Variants in ZNF462 observed in about 807,000 individuals in gnomAD.
The protein encoded by ZNF462 is zinc finger PBX1-interacting protein.
Under a neutral mutation model 201.9 loss-of-function variants are expected in ZNF462, and 10 were observed. The observed-to-expected ratio is 0.05, with a 90% CI of 0.03 to 0.08. The LOEUF is 0.08. ZNF462 is among the 10% of genes least tolerant of loss of function. ZNF462 has a pLI of 1.00. For missense variants in ZNF462, 2,523 were observed against 3,168.3 expected (o/e 0.80, Z 4.89); for synonymous variants, 1,227 against 1,193.3 (o/e 1.03, Z -0.58).
rs1455501680 is a variant in ZNF462 at position 107,010,051 on chromosome 9, G to A, written c.7313+383G>A. ...CTCTCTGACTGATCATTCCCTGAGT[G>A]GCCCTGAACATTCCCATGTACTGCC... On this transcript the variant is annotated intron_variant, in intron 12 of 12. Coordinates refer to ENST00000277225, the MANE Select transcript of ZNF462 (RefSeq NM_021224.6). This position sits in a 1 kb window ranked among gnomAD's most constrained non-coding sequence, Gnocchi z 4.6. Among the ~76,000 whole-genome samples the A allele has an allele frequency of 6.6e-6, 1 of 152,146 alleles. No homozygotes were observed. Among genetic ancestry groups the A allele is most frequent in the Non-Finnish European group, 1.5e-5 (1 of 68,034 alleles).
intron 7 of ZNF462, among the ~76,000 whole-genome samples, chr9:106,953,246 C>T (rs770790382): frequency 3.3e-5 from 5 of 152,188 alleles, no homozygotes; most frequent in Admixed American, 1.3e-4. Context: ...TGATCTAATA[C>T]GGGCTAACTG....
chr9:106,951,365 G>T (rs1444902453), intron 7 of ZNF462, among the ~76,000 whole-genome samples: 1 of 152,128 alleles, frequency 6.6e-6, no homozygotes, highest in Non-Finnish European at 1.5e-5. Context: ...AATAAGAGTT[G>T]GAGAACTTGA....
intron 1 of ZNF462, among the ~76,000 whole-genome samples, chr9:106,914,174 C>T (rs564139949): frequency 6.1e-5 from 9 of 146,678 alleles, no homozygotes; most frequent in African/African-American, 1.9e-4. Context: ...TGGGCTCTCC[C>T]AGGTTGTTGA....
chr9:106,969,702 C>G (rs1373410830), intron 7 of ZNF462, among the ~76,000 whole-genome samples: 1 of 152,126 alleles, frequency 6.6e-6, no homozygotes, highest in African/African-American at 2.4e-5. Context: ...ATGGAGGGGA[C>G]TGTGACTCCT....
Position 106,974,051 on chromosome 9 carries a change from T to C in ZNF462, c.6696-86T>C, listed in dbSNP as rs911177743. ...CAAGCAGGAGAGCCGCACTTGGACA[T>C]ATATAACGGGTTTGCCAGCAGGAAA... On this transcript the variant is annotated intron_variant, in intron 8 of 12. Transcript: ENST00000277225. This position sits in a 1 kb window ranked among gnomAD's most constrained non-coding sequence, Gnocchi z 4.0. 4 of 1,560,436 alleles carry C rather than the reference T, an allele frequency of 2.6e-6. No individual in the cohort carries two copies. Among genetic ancestry groups the C allele is most frequent in the South Asian group, 1.2e-5 (1 of 86,762 alleles).
intron 9 of ZNF462, chr9:106,979,548 T>C (rs1396392286): frequency 6.6e-6 from 1 of 151,520 alleles, no homozygotes; most frequent in Non-Finnish European, 1.5e-5. Flanking sequence ...TTTTTTTCTT[T>C]TGACATCTTG....
intron 1 of ZNF462, among the ~76,000 whole-genome samples, chr9:106,879,273 C>T (rs1428848991): frequency 6.6e-6 from 1 of 150,592 alleles, no homozygotes; most frequent in Non-Finnish European, 1.5e-5. Context: ...TTGGAGCTGG[C>T]AGAAGGAAGG....
chr9:106,867,234 TAA>T (rs1827374614), intron 1 of ZNF462, among the ~76,000 whole-genome samples: 1 of 152,200 alleles, frequency 6.6e-6, no homozygotes, highest in East Asian at 1.9e-4. Flanking sequence ...CCATTTGAAT[TAA>T]GACAAGTATT....
intron 7 of ZNF462, among the ~76,000 whole-genome samples, chr9:106,967,014 G>A (rs1355479189): frequency 6.6e-6 from 1 of 151,936 alleles, no homozygotes; most frequent in Non-Finnish European, 1.5e-5. Context: ...GCATGCAAGG[G>A]GGCTGTCCTC....
In ZNF462 at chr9:106,928,309, C is replaced by A. The variant is rs761148940; in HGVS notation, c.4397C>A (p.Ser1466Tyr). ...CTAGCTTCAGCCAACCCCGCCATAT[C>A]CTCCACCCCATACCAGTGCACGGTA... ...LQLASANPAI[S>Y]STPYQCTVCQ... Residue 1466 changes from serine (S) to tyrosine (Y), a missense_variant, in exon 3 of 13, where the codon TCC becomes TAC. Coordinates refer to ENST00000277225, the MANE Select transcript of ZNF462 (RefSeq NM_021224.6). This position sits in a 1 kb window ranked among gnomAD's most constrained non-coding sequence, Gnocchi z 9.3. The A allele has an allele frequency of 6.2e-7, 1 of 1,614,152 alleles. No homozygotes were observed. Among genetic ancestry groups the A allele is most frequent in the Admixed American group, 1.7e-5 (1 of 60,018 alleles).
At position 106,865,596 on chromosome 9, in the gene ZNF462, A is replaced by G. The variant is rs561163332; in HGVS notation, c.-31+2241A>G. Among the ~76,000 whole-genome samples the G allele has an allele frequency of 5.9e-5, 9 of 152,202 alleles. No homozygotes were observed. The East Asian group carries it at 9.7e-4, about 16-fold the overall frequency. On this transcript the variant is annotated intron_variant, in intron 1 of 12. Coordinates refer to ENST00000277225, the MANE Select transcript of ZNF462 (RefSeq NM_021224.6). This position sits in a 1 kb window ranked among gnomAD's most constrained non-coding sequence, Gnocchi z 4.1. ...CCATTTGTATGTTAGGCCTTCTTTCAGTTTCTTTGTTTCCCCTTTCCCTTT... is the reference window on the plus strand; with the variant it reads ...CCATTTGTATGTTAGGCCTTCTTTCGGTTTCTTTGTTTCCCCTTTCCCTTT...
Position 106,967,927 on chromosome 9 carries a change from C to A in ZNF462, c.6428-4078C>A, listed in dbSNP as rs547592828. 2.0e-5 allele frequency among the ~76,000 whole-genome samples: 3 copies of A among 151,688 alleles called. No homozygotes were observed. In the South Asian group the frequency reaches 6.3e-4, roughly 32 times the overall value. ...TGCTTCAAAATGTTAGTGTTTTCTTCCCTATTCATTTTAGTGTTATTTTCT... is the reference window on the plus strand; with the variant it reads ...TGCTTCAAAATGTTAGTGTTTTCTTACCTATTCATTTTAGTGTTATTTTCT... On this transcript the variant is annotated intron_variant, in intron 7 of 12. Coordinates refer to ENST00000277225, the MANE Select transcript of ZNF462 (RefSeq NM_021224.6).
chr9:106,866,675 T>C (rs1827345624), intron 1 of ZNF462, among the ~76,000 whole-genome samples: 1 of 152,206 alleles, frequency 6.6e-6, no homozygotes, highest in Admixed American at 6.5e-5. Flanking sequence ...TTTTGAACAT[T>C]ATCTTTTGAT....
In ZNF462 at chr9:106,886,248, C is replaced by A. The variant is rs151296452; in HGVS notation, c.-31+22893C>A. Among the ~76,000 whole-genome samples the A allele has an allele frequency of 9.7e-4, 148 of 152,208 alleles. 1 individual carries two copies. The highest frequency in any genetic ancestry group is 3.3e-3 in the African/African-American group (139 of 41,536). ...GGCTGGGATTGTTACCTCACTGGAC[C>A]GCTCTTTAAACTTTCTCTGTCTTTT... On this transcript the variant is annotated intron_variant, in intron 1 of 12. Coordinates refer to ENST00000277225, the MANE Select transcript of ZNF462 (RefSeq NM_021224.6). This position sits in a 1 kb window ranked among gnomAD's most constrained non-coding sequence, Gnocchi z 4.6.
At chr9:106,958,491 A>G (rs961000251) in intron 7 of ZNF462, among the ~76,000 whole-genome samples, 1 of 152,096 alleles carries the variant, frequency 6.6e-6, no homozygotes, top group Non-Finnish European at 1.5e-5. Context: ...TTCTTCCTGG[A>G]ATCCCTTTCT....
At chr9:106,947,154 T>C (rs1831145992) in intron 7 of ZNF462, among the ~76,000 whole-genome samples, 1 of 152,200 alleles carries the variant, frequency 6.6e-6, no homozygotes, top group Non-Finnish European at 1.5e-5. Context: ...TTCCTGCCAT[T>C]GGGGCTCTTC....
rs1830161640 is a variant in ZNF462 at position 106,925,594 on chromosome 9, A to AGCAGCCACAGCCACCACAGCT, written c.1691_1711dup (p.Gln564_Pro570dup). On this transcript the variant is annotated inframe_insertion, in exon 3 of 13. Transcript: ENST00000277225. This position sits in a 1 kb window ranked among gnomAD's most constrained non-coding sequence, Gnocchi z 7.9. Reference sequence around the variant, plus strand: ...CCACCATCACAGCCACAGCCACTGCAGCAGCCACAGCCACCACAGCTGCAG... The same window carrying AGCAGCCACAGCCACCACAGCT: ...CCACCATCACAGCCACAGCCACTGCAGCAGCCACAGCCACCACAGCTGCAGCCACAGCCACCACAGCTGCAG... The AGCAGCCACAGCCACCACAGCT allele has an allele frequency of 1.9e-6, 3 of 1,612,636 alleles. No individual in the cohort carries two copies. The African/African-American group carries it at 4.0e-5, about 22-fold the overall frequency.
At chr9:106,931,627 T>G (rs990109732) in intron 4 of ZNF462, among the ~76,000 whole-genome samples, 13 of 152,198 alleles carry the variant, frequency 8.5e-5, no homozygotes, top group Non-Finnish European at 1.5e-4. Flanking sequence ...CAGGCTCGTT[T>G]CCTGGGATCA....
intron 7 of ZNF462, among the ~76,000 whole-genome samples, chr9:106,961,133 A>G (rs1455530077): frequency 1.3e-5 from 2 of 152,104 alleles, no homozygotes; most frequent in East Asian, 1.9e-4. Context: ...CATGGTACCC[A>G]TTACACCTGA....
Sources: gnomAD v4.1 joint callset for allele counts (sites outside exome capture counted in the v4.1 genomes callset) on GRCh38, gnomAD v4.1.1 for gene constraint, Gnocchi (gnomAD v3.1) non-coding constraint, MANE v1.5 for transcripts, NCBI Gene and HGNC (gene_info 2026-07-23, HGNC 2026-07-21) for gene names.